The following ZNF607 variants were observed in gnomAD, a reference collection of about 807,000 sequenced individuals.
The protein encoded by ZNF607 is zinc finger protein 607.
A neutral mutation model predicts 12.8 loss-of-function variants in ZNF607; 5 were observed. The ratio of observed to expected loss-of-function variants is 0.39; its 90% CI spans 0.20 to 0.82. The LOEUF (loss-of-function observed/expected upper bound fraction) is 0.82. Ranked by LOEUF, ZNF607 falls within the 40% of genes least tolerant of loss-of-function variation. ZNF607 has a pLI of 0.39. For missense variants in ZNF607, 851 were observed against 859.2 expected (o/e 0.99, Z 0.12); for synonymous variants, 287 against 276.2 (o/e 1.04, Z -0.39).
intron 1 of ZNF607, among the ~76,000 whole-genome samples, chr19:37,714,840 A>C (rs913763889): frequency 5.9e-5 from 9 of 152,230 alleles, no homozygotes; most frequent in Admixed American, 5.9e-4. Flanking sequence ...CAAATGTTAA[A>C]AAATACCACA....
rs1252159732 is a variant in ZNF607 at position 37,699,275 on chromosome 19, A to C, written c.856T>G (p.Cys286Gly). The C allele has an allele frequency of 3.7e-6, 6 of 1,613,854 alleles. No individual in the cohort carries two copies. The Admixed American group carries it at 1.0e-4, about 27-fold the overall frequency. The change falls in exon 5 of 5, where the codon TGT (cysteine) becomes GGT (glycine). Residue 286 changes from cysteine to glycine, a missense_variant. Physicochemically the swap from Cys to Gly is radical, Grantham distance 159 (BLOSUM62 -3). Coordinates refer to ENST00000355202, the MANE Select transcript of ZNF607 (RefSeq NM_032689.5). The stretch of plus-strand genomic sequence containing the variant: ...GAAAACTGACGAAAGGCCTTTCCAC[A>C]TTCCTTACATTCATGTGGCTTCTCT... ...TGEKPHECKECGKAFRQFSHL... is the reference protein window; with the variant it reads ...TGEKPHECKEGGKAFRQFSHL...
intron 1 of ZNF607, among the ~76,000 whole-genome samples, chr19:37,715,068 G>A (rs1023892876): frequency 2.6e-5 from 4 of 151,742 alleles, no homozygotes; most frequent in East Asian, 4.0e-4. Context: ...CACCATGCCC[G>A]GCTAATTTTT....
At chr19:37,712,537 A>T (rs1233467834) in intron 1 of ZNF607, among the ~76,000 whole-genome samples, 1 of 152,202 alleles carries the variant, frequency 6.6e-6, no homozygotes, top group Non-Finnish European at 1.5e-5. Flanking sequence ...GCTTATAGTC[A>T]TAGTGCTTAT....
intron 1 of ZNF607, among the ~76,000 whole-genome samples, chr19:37,713,441 T>C (rs766351351): frequency 5.9e-5 from 9 of 152,010 alleles, no homozygotes; most frequent in Non-Finnish European, 5.9e-5. Flanking sequence ...AGTCTGATTT[T>C]TTTTTTTTTT....
intron 3 of ZNF607, 69 bp from the exon 4 acceptor site, chr19:37,708,081 G>A (rs1195789206): frequency 1.6e-6 from 2 of 1,285,708 alleles, no homozygotes; most frequent in African/African-American, 1.5e-5. Flanking sequence ...AATTACAATT[G>A]CAATAAATGA....
In ZNF607 at chr19:37,716,644, CAT is replaced by C. The variant is rs1290201926; in HGVS notation, c.-75+2623_-75+2624del. On this transcript the variant is annotated intron_variant, in intron 1 of 4. Coordinates refer to ENST00000355202, the MANE Select transcript of ZNF607 (RefSeq NM_032689.5). ...AGTGCTCACACATGAAAACTGAAAA[CAT>C]ATACACCCAAATTTGTAAAGTGATT... Among the ~76,000 whole-genome samples the C allele has an allele frequency of 3.3e-5, 5 of 152,144 alleles. No individual in the cohort carries two copies. The South Asian group carries it at 6.2e-4, about 19-fold the overall frequency.
chr19:37,706,528 G>A (rs186904219), intron 4 of ZNF607: 1 of 152,226 alleles, frequency 6.6e-6, no homozygotes, highest in East Asian at 1.9e-4. Flanking sequence ...TTCTTAAATG[G>A]AGACTGTCTT....
intron 4 of ZNF607, chr19:37,706,698 T>C (rs35415221): frequency 0.15 from 23,163 of 149,978 alleles, 2,120 homozygotes; most frequent in Non-Finnish European, 0.21. Context: ...AATTTCTTAA[T>C]TTTTTTTTTT....
At chr19:37,706,776 TACTTCCAAG>T (rs2045088585) in intron 4 of ZNF607, among the ~76,000 whole-genome samples, 1 of 152,132 alleles carries the variant, frequency 6.6e-6, no homozygotes, top group African/African-American at 2.4e-5. Flanking sequence ...CTGCAACCTC[TACTTCCAAG>T]GCTCAAGTGA....
At chr19:37,717,982 C>T (rs554394416) in intron 1 of ZNF607, among the ~76,000 whole-genome samples, 1 of 152,038 alleles carries the variant, frequency 6.6e-6, no homozygotes, top group Admixed American at 6.6e-5. Context: ...ATCCCTTGGA[C>T]GCTGTATAAT....
chr19:37,708,882 C>T (rs570798733), intron 3 of ZNF607, among the ~76,000 whole-genome samples: 1 of 150,376 alleles, frequency 6.6e-6, no homozygotes, highest in African/African-American at 2.4e-5. Context: ...CAATTCCTGA[C>T]TCTGTCACCT....
Position 37,711,701 on chromosome 19 carries a change from AGAG to A in ZNF607, c.-74-12_-74-10del. The A allele has an allele frequency of 7.0e-7, 1 of 1,428,422 alleles. No homozygotes were observed. The highest frequency in any genetic ancestry group is 1.7e-5 in the Admixed American group (1 of 58,892). The allele number at this position is 1,428,422 out of a possible 1,614,324, so 88.5% of individuals were successfully genotyped here. On this transcript the variant is annotated splice_polypyrimidine_tract_variant and intron_variant, in intron 1 of 4. Transcript: ENST00000355202. ...GTCAAAAGAACCAAGACCTGAAAGA[AGAG>A]AAGACCTTGAGACCAGCTGTGCTTT...
At chr19:37,716,530 C>T (rs80135476) in intron 1 of ZNF607, among the ~76,000 whole-genome samples, 3,698 of 152,230 alleles carry the variant, frequency 0.024, 162 homozygotes, top group African/African-American at 0.084. Context: ...GGTTTTATAT[C>T]CATGGTTGGG....
At chr19:37,714,340 A>ACAACAACAACAACAACAG (rs546794308) in intron 1 of ZNF607, among the ~76,000 whole-genome samples, 46 of 148,208 alleles carry the variant, frequency 3.1e-4, no homozygotes, top group African/African-American at 4.8e-4. Context: ...AACAACAACA[A>ACAACAACAACAACAACAG]CAGCAGCAGC....
chr19:37,700,903 G>T (rs2045033683), intron 4 of ZNF607, among the ~76,000 whole-genome samples: 1 of 151,926 alleles, frequency 6.6e-6, no homozygotes, highest in Non-Finnish European at 1.5e-5. Context: ...ATAAGAAAGA[G>T]ATTTTATTTA....
chr19:37,712,746 G>C (rs1208834842), intron 1 of ZNF607, among the ~76,000 whole-genome samples: 4 of 152,056 alleles, frequency 2.6e-5, no homozygotes, highest in African/African-American at 9.7e-5. Flanking sequence ...ATATTAACTT[G>C]AAACATGTAT....
intron 3 of ZNF607, among the ~76,000 whole-genome samples, chr19:37,708,620 T>G (rs1428940881): frequency 6.7e-6 from 1 of 149,194 alleles, no homozygotes; most frequent in Non-Finnish European, 1.5e-5. Context: ...CCCAGCACTT[T>G]GGGAGGCCCT....
At position 37,698,596 on chromosome 19, in the gene ZNF607, T is replaced by C. The variant is rs766124305; in HGVS notation, c.1535A>G (p.Lys512Arg). 6.2e-7 allele frequency: 1 copy of C among 1,614,012 alleles called. No individual in the cohort carries two copies. Among genetic ancestry groups the C allele is most frequent in the East Asian group, 2.2e-5 (1 of 44,838 alleles). The change falls in exon 5 of 5, where the codon AAG becomes AGG. Residue 512 changes from lysine to arginine, a missense_variant. Lys to Arg is a conservative substitution (Grantham distance 26). Transcript: ENST00000355202. Reference protein sequence around the residue: ...EKPYECKECGKAFSVSGQLTQ... With the variant: ...EKPYECKECGRAFSVSGQLTQ... ...AAGTTGTCCAGATACACTAAAGGCC[T>C]TCCCACATTCCTTACATTCATAAGG... is the stretch of plus-strand genomic sequence containing the variant.
chr19:37,699,744 G>T lies in ZNF607; in HGVS notation c.387C>A (p.Leu129=). ...CQKSFSHLTE[L]MVHQTIHTSE... is the part of the protein sequence containing the mutation. ...TAGTATGAATTGTTTGATGTACCAT[G>T]AGTTCTGTAAGATGACTAAAGGACT... Residue 129 remains leucine (L), a synonymous_variant, in exon 5 of 5, where the codon CTC becomes CTA. Transcript: ENST00000355202. 2 of 1,614,000 alleles carry T rather than the reference G, an allele frequency of 1.2e-6. No individual in the cohort carries two copies. The highest frequency in any genetic ancestry group is 1.7e-6 in the Non-Finnish European group (2 of 1,179,978).
Sources: gnomAD v4.1 joint callset for allele counts (sites outside exome capture counted in the v4.1 genomes callset) on GRCh38, gnomAD v4.1.1 for gene constraint, MANE v1.5 for transcripts, NCBI Gene and HGNC (gene_info 2026-07-23, HGNC 2026-07-21) for gene names.